The following SIPA1L2 variants were observed in gnomAD, a reference collection of about 807,000 sequenced individuals.
SIPA1L2 encodes the protein signal-induced proliferation-associated 1-like protein 2.
A neutral mutation model predicts 163.9 loss-of-function variants in SIPA1L2; 56 were observed. The observed-to-expected ratio is 0.34, with a 90% CI of 0.28 to 0.43. SIPA1L2 has a LOEUF of 0.43. Among genes scored for constraint, SIPA1L2 ranks in the 20% least tolerant of loss-of-function variants. The pLI, the probability that SIPA1L2 is intolerant of heterozygous loss-of-function variation, is 1.00. For missense variants in SIPA1L2, 1,974 were observed against 2,193.5 expected, an observed-to-expected ratio of 0.90 and a Z score of 2.00; for synonymous variants, 877 against 865.7, an observed-to-expected ratio of 1.01 and a Z score of -0.23.
At chr1:232,478,183 A>G (rs1052994360) in intron 7 of SIPA1L2, among the ~76,000 whole-genome samples, 2 of 152,238 alleles carry the variant, frequency 1.3e-5, no homozygotes, top group Admixed American at 1.3e-4. Context: ...CATGTGATCT[A>G]GTGATTTTAA....
intron 19 of SIPA1L2, among the ~76,000 whole-genome samples, chr1:232,411,323 G>A (rs16857025): frequency 0.024 from 3,709 of 152,206 alleles, 162 homozygotes; most frequent in African/African-American, 0.084. Flanking sequence ...GCCAGGGAGA[G>A]GTAATAACAT....
At position 232,599,865 on chromosome 1, in the gene SIPA1L2, T is replaced by C. The variant is rs1037177309; in HGVS notation, c.-318-25643A>G. On this transcript the variant is annotated intron_variant, in intron 1 of 22. Transcript: ENST00000674635. ...ATGCTCGAAAGTATTCAACAAACCA[T>C]TTATTAACCACATATCTACCTAGGC... is the stretch of plus-strand genomic sequence containing the variant. Among the ~76,000 whole-genome samples the C allele has an allele frequency of 5.5e-4, 83 of 152,224 alleles. 1 individual carries two copies. The highest frequency in any genetic ancestry group is 2.8e-4 in the Non-Finnish European group (19 of 68,042).
intron 2 of SIPA1L2, among the ~76,000 whole-genome samples, chr1:232,552,148 T>C (rs778752400): frequency 6.6e-6 from 1 of 152,164 alleles, no homozygotes; most frequent in Non-Finnish European, 1.5e-5. Flanking sequence ...CTGAGAATAG[T>C]AAGTTTTTAA....
At chr1:232,564,592 A>G (rs1322334963) in intron 2 of SIPA1L2, among the ~76,000 whole-genome samples, 2 of 152,140 alleles carry the variant, frequency 1.3e-5, no homozygotes, top group African/African-American at 2.4e-5. Context: ...AGATGAGATC[A>G]TAAGAAAGTA....
chr1:232,479,493 G>C, intron 7 of SIPA1L2, 134 bp downstream of exon 7: 1 of 705,346 alleles, frequency 1.4e-6, no homozygotes, highest in East Asian at 2.7e-5. Context: ...TGATCAAAGA[G>C]TCAAAGATGA....
intron 1 of SIPA1L2, among the ~76,000 whole-genome samples, chr1:232,595,281 G>A (rs181096958): frequency 1.3e-4 from 20 of 152,260 alleles, no homozygotes; most frequent in Admixed American, 9.8e-4. Flanking sequence ...CCAGTCCAAT[G>A]GGCACAAAGC....
intron 6 of SIPA1L2, 100 bp from the exon 7 acceptor site, chr1:232,479,830 A>G: frequency 1.1e-6 from 1 of 895,822 alleles, no homozygotes; most frequent in Non-Finnish European, 1.8e-6. Context: ...AACAAAAAAC[A>G]CCAAGCTCTA....
chr1:232,442,196 T>G (rs1662942684), intron 12 of SIPA1L2, among the ~76,000 whole-genome samples: 1 of 151,918 alleles, frequency 6.6e-6, no homozygotes, highest in African/African-American at 2.4e-5. Flanking sequence ...GAGGTCGCAT[T>G]TTTACGTTAC....
chr1:232,479,298 C>A (rs1454704522), intron 7 of SIPA1L2, among the ~76,000 whole-genome samples: 2 of 152,156 alleles, frequency 1.3e-5, no homozygotes, highest in African/African-American at 4.8e-5. Context: ...AGCTATTTAC[C>A]CACACACAAA....
At chr1:232,500,348 G>A (rs1032646656) in intron 3 of SIPA1L2, among the ~76,000 whole-genome samples, 2 of 152,260 alleles carry the variant, frequency 1.3e-5, no homozygotes, top group South Asian at 4.1e-4. Flanking sequence ...GGCTATAGCC[G>A]CCATACATAG....
rs112569244 is a variant in SIPA1L2 at position 232,513,330 on chromosome 1, G to C, written c.1483+527C>G. Among the ~76,000 whole-genome samples the C allele has an allele frequency of 4.6e-3, 700 of 152,290 alleles. 8 individuals carry two copies. Among genetic ancestry groups the C allele is most frequent in the African/African-American group, 0.016 (668 of 41,560 alleles). On this transcript the variant is annotated intron_variant, in intron 3 of 22. Coordinates refer to ENST00000674635, the MANE Select transcript of SIPA1L2 (RefSeq NM_020808.5). ...GTCTTAACATTTAAGCCCATCTATA[G>C]AACTACATGAAAACAAAATTTGTCT...
chr1:232,490,001 C>T (rs550191914), intron 5 of SIPA1L2, among the ~76,000 whole-genome samples: 3 of 152,238 alleles, frequency 2.0e-5, no homozygotes, highest in South Asian at 2.1e-4. Flanking sequence ...CTATCTTCGG[C>T]GGCCTGTACA....
intron 7 of SIPA1L2, among the ~76,000 whole-genome samples, chr1:232,476,577 C>T (rs1314761730): frequency 6.6e-6 from 1 of 152,090 alleles, no homozygotes; most frequent in African/African-American, 2.4e-5. Flanking sequence ...GGGAAGACAG[C>T]CCTGGAAAAA....
Position 232,441,221 on chromosome 1 carries a change from T to C in SIPA1L2, c.3642+70A>G, listed in dbSNP as rs147831427. ...TCTTGAGCATCCCCAGGAATCAGGC[T>C]GTACCACTGTGTGCTGAGACAGATC... On this transcript the variant is annotated intron_variant, in intron 14 of 22. Coordinates refer to ENST00000674635, the MANE Select transcript of SIPA1L2 (RefSeq NM_020808.5). The C allele has an allele frequency of 7.4e-4, 876 of 1,181,750 alleles. 7 individuals carry two copies. The African/African-American group carries it at 0.013, about 17-fold the overall frequency. The allele number at this position is 1,181,750 out of a possible 1,614,324, so 73.2% of individuals were successfully genotyped here. A position where few individuals can be genotyped will look rare whatever the true frequency, so the allele number is the denominator to read the frequency against.
chr1:232,415,678 GC>G, intron 18 of SIPA1L2, 53 bp from the exon 19 acceptor site: 2 of 1,607,868 alleles, frequency 1.2e-6, no homozygotes, highest in Non-Finnish European at 1.7e-6. Flanking sequence ...ACGGGCACCA[GC>G]CCAGAGTGAG....
At chr1:232,630,136 C>G (rs952215799), upstream of SIPA1L2, among the ~76,000 whole-genome samples, 2 of 151,324 alleles carry the variant, frequency 1.3e-5, no homozygotes, top group South Asian at 2.1e-4. Flanking sequence ...CCCAGTCTGC[C>G]GCGCCGGCTC....
chr1:232,594,115 C>A (rs927976302), intron 1 of SIPA1L2, among the ~76,000 whole-genome samples: 1 of 152,204 alleles, frequency 6.6e-6, no homozygotes, highest in Non-Finnish European at 1.5e-5. Flanking sequence ...CCCCTCCAGT[C>A]TCCTCTCCAG....
intron 2 of SIPA1L2, among the ~76,000 whole-genome samples, chr1:232,546,569 A>G (rs1658043345): frequency 6.6e-6 from 1 of 152,218 alleles, no homozygotes; most frequent in South Asian, 2.1e-4. Context: ...GACACGCTCT[A>G]ACCTACTCTG....
At position 232,415,573 on chromosome 1, in the gene SIPA1L2, A is replaced by T. The variant is rs957212595; in HGVS notation, c.4683T>A (p.Asp1561Glu). ...GSLSDKSKCA[D>E]PGLMPLPDTA... is the part of the protein sequence containing the mutation. ...TGTCCGGGAGGGGCATCAGGCCAGGATCTGCGCACTTGGACTTATCTGATA... is the reference window on the plus strand; with the variant it reads ...TGTCCGGGAGGGGCATCAGGCCAGGTTCTGCGCACTTGGACTTATCTGATA... The change falls in exon 19 of 23, where the codon GAT (aspartate) becomes GAA (glutamate). Residue 1561 changes from aspartate to glutamate, a missense_variant. Asp to Glu is a conservative substitution (Grantham distance 45, BLOSUM62 2). This residue lies in a region of SIPA1L2 where 1,079 missense variants were observed against 1,150.7 expected (regional missense o/e 0.94). Coordinates refer to ENST00000674635, the MANE Select transcript of SIPA1L2 (RefSeq NM_020808.5). 2.5e-6 allele frequency: 4 copies of T among 1,613,904 alleles called. No individual in the cohort carries two copies. The African/African-American group carries it at 5.3e-5, about 22-fold the overall frequency.
Sources: allele counts gnomAD v4.1 joint callset (sites outside exome capture counted in the v4.1 genomes callset), GRCh38; gene constraint gnomAD v4.1.1; regional missense constraint gnomAD v4.1.1; transcripts MANE v1.5; gene names NCBI Gene and HGNC (gene_info 2026-07-23, HGNC 2026-07-21).